HAP1: variants seen among roughly 807,000 people sequenced by gnomAD.
The protein encoded by HAP1 is huntingtin-associated protein 1.
HAP1 carries 59 observed loss-of-function variants against 60.3 expected under a neutral mutation model. The observed-to-expected ratio is 0.98, with a 90% CI of 0.79 to 1.22. The LOEUF is 1.22. Ranked by LOEUF, HAP1 falls within the 50% of genes most tolerant of loss-of-function variation. The pLI is 0.00. For missense variants in HAP1, 825 were observed against 785.3 expected (o/e 1.05, Z -0.60); for synonymous variants, 346 against 330.6 (o/e 1.05, Z -0.50).
At chr17:41,733,038 G>GTTTTTTTTTTTTTTTTTGTTT (rs10679002) in intron 1 of HAP1, among the ~76,000 whole-genome samples, 40 of 107,170 alleles carry the variant, frequency 3.7e-4, no homozygotes, top group Non-Finnish European at 5.6e-4. Flanking sequence ...GTTTTTTTTG[G>GTTTTTTTTTTTTTTTTTGTTT]TTTTTTTTTT....
intron 1 of HAP1, among the ~76,000 whole-genome samples, chr17:41,733,770 A>AC (rs1350651749): frequency 1.7e-5 from 2 of 118,190 alleles, no homozygotes; most frequent in African/African-American, 6.1e-5. Context: ...CCGCCCACCC[A>AC]CCCCTCCATC....
At chr17:41,729,852 G>T (rs1444276849) in intron 6 of HAP1, among the ~76,000 whole-genome samples, 1 of 123,682 alleles carries the variant, frequency 8.1e-6, no homozygotes, top group Non-Finnish European at 1.6e-5. Flanking sequence ...CTAGCTGGGC[G>T]ACAGTGAGAC....
rs782327787 is a variant in HAP1, at chr17:41,725,120, C to G, written c.1441G>C (p.Val481Leu). ...DFRYSEDREQ[V>L]RGFEAEEGLM... ...CCTTCCTCAGCCTCAAACCCCCGCA[C>G]CTGCTCTCGATCCTCACTGTAGCGA... The change falls in exon 11 of 11, where the codon GTG becomes CTG. Residue 481 changes from valine (V) to leucine (L), a missense_variant. Transcript: ENST00000347901. 6.2e-7 allele frequency: 1 copy of G among 1,604,844 alleles called. No individual in the cohort carries two copies. Among genetic ancestry groups the G allele is most frequent in the Non-Finnish European group, 8.5e-7 (1 of 1,174,526 alleles).
At chr17:41,726,878 A>G (rs1911678257) in intron 9 of HAP1, among the ~76,000 whole-genome samples, 175 bp downstream of exon 9, 1 of 150,990 alleles carries the variant, frequency 6.6e-6, no homozygotes, top group African/African-American at 2.4e-5. Context: ...AAAAAAAAAT[A>G]CCTCAGGGGG....
rs190549956 is a variant in HAP1, at chr17:41,724,615, A to G, written c.*86T>C. On this transcript the variant is annotated 3_prime_UTR_variant, in exon 11 of 11. Coordinates refer to ENST00000347901, the MANE Select transcript of HAP1 (RefSeq NM_177977.3). ...GGGATCAGAGGTGTCTATGCAAATG[A>G]TATGCAAAGTCCATGCAAATAAGCA... 16 of 934,320 alleles carry G rather than the reference A, an allele frequency of 1.7e-5. No individual in the cohort carries two copies. In the African/African-American group the frequency reaches 2.0e-4, roughly 12 times the overall value. The allele number at this position is 934,320 out of a possible 1,614,324, so 57.9% of individuals were successfully genotyped here.
At chr17:41,720,281 C>T (rs947353193), downstream of HAP1, among the ~76,000 whole-genome samples, 9 of 151,462 alleles carry the variant, frequency 5.9e-5, no homozygotes, top group East Asian at 1.6e-3. Context: ...CTGCAACCTC[C>T]GCCTCCCAGG....
chr17:41,731,800 G>T, intron 4 of HAP1, 57 bp from the exon 5 acceptor site: 2 of 1,275,616 alleles, frequency 1.6e-6, no homozygotes, highest in Non-Finnish European at 2.3e-6. Context: ...CCAGTTCCCA[G>T]CCCACCAGGG....
rs1911438826 is a variant in HAP1, at chr17:41,724,435, A to G, written c.*266T>C. ...GGAGGCAGGGGTTGGGGGCAGGGGA[A>G]GCAAGCGGGCAGAGATGGGAAGCTG... On this transcript the variant is annotated 3_prime_UTR_variant, in exon 11 of 11. Transcript: ENST00000347901. 2.2e-6 allele frequency: 1 copy of G among 457,796 alleles called. No homozygotes were observed. The highest frequency in any genetic ancestry group is 3.9e-6 in the Non-Finnish European group (1 of 253,970). 28.4% of individuals were successfully genotyped at this position (457,796 alleles called of 1,614,324 possible). A position where few individuals can be genotyped will look rare whatever the true frequency, so the allele number is the denominator to read the frequency against.
chr17:41,727,654 A>G (rs544445101), intron 8 of HAP1, 108 bp downstream of exon 8: 2 of 701,836 alleles, frequency 2.8e-6, no homozygotes, highest in African/African-American at 1.7e-5. Flanking sequence ...GACAAGACTC[A>G]GTTCCTGCTA....
At position 41,734,638 on chromosome 17, in the gene HAP1, G is replaced by C. The variant is rs782029538; in HGVS notation, c.-4C>G. On this transcript the variant is annotated 5_prime_UTR_variant, in exon 1 of 11. Coordinates refer to ENST00000347901, the MANE Select transcript of HAP1 (RefSeq NM_177977.3). ...GGCCCAACCTCTTCGGGCGCATCTCGAGTCTGCCGTCCGCTGCTGCGGCGG... is the reference window on the plus strand; with the variant it reads ...GGCCCAACCTCTTCGGGCGCATCTCCAGTCTGCCGTCCGCTGCTGCGGCGG... 5.4e-6 allele frequency: 8 copies of C among 1,489,050 alleles called. No homozygotes were observed. Among genetic ancestry groups the C allele is most frequent in the African/African-American group, 4.2e-5 (3 of 71,722 alleles). 92.2% of individuals were successfully genotyped at this position (1,489,050 alleles called of 1,614,324 possible). A position where few individuals can be genotyped will look rare whatever the true frequency, so the allele number is the denominator to read the frequency against.
intron 6 of HAP1, chr17:41,730,490 G>C (rs1464438059): frequency 6.6e-6 from 1 of 152,288 alleles, no homozygotes; most frequent in Admixed American, 6.6e-5. Flanking sequence ...CCAGTTAAGA[G>C]GTATCTTGGG....
downstream of HAP1, among the ~76,000 whole-genome samples, chr17:41,719,194 G>A (rs1224029929): frequency 2.0e-5 from 3 of 151,874 alleles, no homozygotes; most frequent in Non-Finnish European, 4.4e-5. Flanking sequence ...TGTCTAGGCT[G>A]GTCCTGAACT....
Position 41,724,444 on chromosome 17 carries a change from G to T in HAP1, c.*257C>A. ...GGTTGGGGGCAGGGGAAGCAAGCGG[G>T]CAGAGATGGGAAGCTGAGGCGCAGT... is the stretch of plus-strand genomic sequence containing the variant. On this transcript the variant is annotated 3_prime_UTR_variant, in exon 11 of 11. Transcript: ENST00000347901. 2.0e-6 allele frequency: 1 copy of T among 488,870 alleles called. No homozygotes were observed. Among genetic ancestry groups the T allele is most frequent in the Non-Finnish European group, 3.7e-6 (1 of 272,720 alleles). The allele number at this position is 488,870 out of a possible 1,614,324, so 30.3% of individuals were successfully genotyped here. A position where few individuals can be genotyped will look rare whatever the true frequency, so the allele number is the denominator to read the frequency against.
chr17:41,731,473 C>T lies in HAP1; in HGVS notation c.1069+20G>A, dbSNP rs369496892. On this transcript the variant is annotated intron_variant, in intron 6 of 10. Coordinates refer to ENST00000347901, the MANE Select transcript of HAP1 (RefSeq NM_177977.3). The stretch of plus-strand genomic sequence containing the variant: ...TGCTCCTTGGGACAACCCCCCACCC[C>T]GAGTGACAACATTACGTACAAAACT... The T allele has an allele frequency of 2.0e-5, 31 of 1,559,938 alleles. No individual in the cohort carries two copies. Among genetic ancestry groups the T allele is most frequent in the Non-Finnish European group, 2.7e-5 (30 of 1,130,638 alleles).
chr17:41,733,020 G>GC (rs1555591553), intron 1 of HAP1, among the ~76,000 whole-genome samples: 1 of 45,486 alleles, frequency 2.2e-5, no homozygotes. Context: ...GGGTTTTTAG[G>GC]TTTTTGGGTT....
intron 10 of HAP1, among the ~76,000 whole-genome samples, 175 bp from the exon 11 acceptor site, chr17:41,725,329 G>A (rs1299778563): frequency 6.6e-6 from 1 of 152,054 alleles, no homozygotes; most frequent in Non-Finnish European, 1.5e-5. Context: ...CCCCCTGGTG[G>A]GAGGGAGGAA....
At chr17:41,729,178 A>T (rs186878243) in intron 6 of HAP1, among the ~76,000 whole-genome samples, 24 of 150,144 alleles carry the variant, frequency 1.6e-4, no homozygotes, top group African/African-American at 5.6e-4. Context: ...TGACCTCAAG[A>T]GATCCACCTG....
downstream of HAP1, chr17:41,721,252 T>C (rs4796690): frequency 5.3e-5 from 8 of 152,364 alleles, no homozygotes; most frequent in Non-Finnish European, 1.2e-4. Context: ...TTCTATAATA[T>C]CCTGGAGCAA....
Position 41,732,730 on chromosome 17 carries a change from AAT to A in HAP1, c.536_537del (p.Tyr179PhefsTer72). The A allele has an allele frequency of 6.2e-7, 1 of 1,612,130 alleles. No homozygotes were observed. Among genetic ancestry groups the A allele is most frequent in the Middle Eastern group, 1.6e-4 (1 of 6,062 alleles). On this transcript the variant is annotated frameshift_variant, in exon 2 of 11. Transcript: ENST00000347901. LOFTEE classifies it high-confidence loss of function. ...ITQEDVKVMLYLLEELLPPVW... is the reference protein window; with the variant it reads ...ITQEDVKVMLXLLEELLPPVW... The stretch of plus-strand genomic sequence containing the variant: ...AAGGCAGTACACACCTCCTCCAGCA[AAT>A]ATAACATCACTTTGACGTCTTCCTG...
Sources: gnomAD v4.1 joint callset for allele counts (sites outside exome capture counted in the v4.1 genomes callset) on GRCh38, gnomAD v4.1.1 for gene constraint, MANE v1.5 for transcripts, NCBI Gene and HGNC (gene_info 2026-07-23, HGNC 2026-07-21) for gene names.